Variants in ANO2 observed in about 807,000 individuals in gnomAD.
ANO2 encodes anoctamin-2.
Under a neutral mutation model 124.2 loss-of-function variants are expected in ANO2, and 101 were observed. That is an observed-to-expected ratio of 0.81 (90% CI 0.69 to 0.96). ANO2 has a LOEUF of 0.96. Among genes scored for constraint, ANO2 ranks in the 40% least tolerant of loss-of-function variants. The probability of loss-of-function intolerance (pLI) is 0.00; values close to 1 mark genes in which losing one functional copy is unlikely to be tolerated. For synonymous variants in ANO2, 486 were observed against 482.5 expected (o/e 1.01, Z -0.09); for missense variants, 1,293 against 1,274.5 (o/e 1.01, Z -0.22).
intron 3 of ANO2, among the ~76,000 whole-genome samples, chr12:5,854,947 T>C (rs2137256325): frequency 6.6e-6 from 1 of 151,960 alleles, no homozygotes; most frequent in Non-Finnish European, 1.5e-5. Context: ...TTTTTTTTTT[T>C]TTCAAAACAA....
chr12:5,748,870 CAA>C (rs60191649), intron 11 of ANO2, among the ~76,000 whole-genome samples: 67,597 of 101,668 alleles, frequency 0.66, 21,577 homozygotes, highest in East Asian at 0.75. Context: ...CTTCACCCTC[CAA>C]AAAAAAAAAA....
chr12:5,747,569 C>A (rs1049621097), intron 11 of ANO2, among the ~76,000 whole-genome samples: 46 of 152,236 alleles, frequency 3.0e-4, no homozygotes, highest in African/African-American at 9.4e-4. Context: ...AAAACAACAT[C>A]CAAAACCTCA....
At chr12:5,645,552 T>C (rs1468190331) in intron 15 of ANO2, among the ~76,000 whole-genome samples, 1 of 152,198 alleles carries the variant, frequency 6.6e-6, no homozygotes, top group African/African-American at 2.4e-5. Flanking sequence ...TAGAGGTTTA[T>C]TGGTTAGTTT....
intron 16 of ANO2, among the ~76,000 whole-genome samples, chr12:5,621,225 T>C (rs1375303262): frequency 6.6e-6 from 1 of 152,164 alleles, no homozygotes; most frequent in East Asian, 1.9e-4. Flanking sequence ...GAGAGACATC[T>C]TCCAGGCAGA....
chr12:5,700,276 A>T (rs550897054), intron 14 of ANO2, among the ~76,000 whole-genome samples: 70 of 152,360 alleles, frequency 4.6e-4, no homozygotes, highest in Non-Finnish European at 9.3e-4. Context: ...AGAACTCAGG[A>T]TTAAGAAATT....
intron 7 of ANO2, among the ~76,000 whole-genome samples, chr12:5,809,551 C>T (rs971465726): frequency 1.3e-5 from 2 of 152,186 alleles, no homozygotes; most frequent in African/African-American, 4.8e-5. Flanking sequence ...CTCAGCTGGA[C>T]TTTGCACGGT....
At chr12:5,602,695 A>G (rs1433816147) in intron 19 of ANO2, among the ~76,000 whole-genome samples, 1 of 152,228 alleles carries the variant, frequency 6.6e-6, no homozygotes, top group African/African-American at 2.4e-5. Flanking sequence ...ATGGTGAAAA[A>G]AAAGCCTCCA....
At chr12:5,780,909 C>G (rs1455471731) in intron 10 of ANO2, among the ~76,000 whole-genome samples, 3 of 152,326 alleles carry the variant, frequency 2.0e-5, no homozygotes, top group African/African-American at 7.2e-5. Flanking sequence ...GGATGGCTTA[C>G]AAGGAGAAGC....
intron 14 of ANO2, among the ~76,000 whole-genome samples, chr12:5,677,608 T>C (rs1340727540): frequency 6.6e-6 from 1 of 152,036 alleles, no homozygotes; most frequent in Non-Finnish European, 1.5e-5. Flanking sequence ...GAGAGGAGCA[T>C]GAGAATCCCA....
At chr12:5,924,689 T>C (rs896563241) in intron 1 of ANO2, among the ~76,000 whole-genome samples, 2 of 152,248 alleles carry the variant, frequency 1.3e-5, no homozygotes, top group Admixed American at 1.3e-4. Context: ...GCAGCTACTC[T>C]ATATTCACCT....
intron 7 of ANO2, among the ~76,000 whole-genome samples, chr12:5,821,600 C>T (rs1257910089): frequency 6.6e-6 from 1 of 152,178 alleles, no homozygotes; most frequent in Non-Finnish European, 1.5e-5. Context: ...ACAGCGCAGG[C>T]CTCTAGGATA....
chr12:5,787,589 T>C lies in ANO2; in HGVS notation c.1055+11918A>G, dbSNP rs1952575277. Among the ~76,000 whole-genome samples the C allele has an allele frequency of 1.3e-5, 2 of 152,310 alleles. No homozygotes were observed. The highest frequency in any genetic ancestry group is 1.3e-4 in the Admixed American group (2 of 15,308). ...TGATAGTATCGATCTCGACGGGGTG[T>C]TGTGAGTTAGCAAATGCCAAGGGGT... is the stretch of plus-strand genomic sequence containing the variant. On this transcript the variant is annotated intron_variant, in intron 10 of 24. Coordinates refer to ENST00000682330, the MANE Select transcript of ANO2 (RefSeq NM_001364791.2). The surrounding 1 kb of genome is among the most constrained non-coding windows in gnomAD (Gnocchi z 4.2).
chr12:5,808,938 C>T (rs1243150601), intron 7 of ANO2, among the ~76,000 whole-genome samples: 2 of 152,182 alleles, frequency 1.3e-5, no homozygotes, highest in Admixed American at 6.5e-5. Context: ...CACGTGGGAG[C>T]AGAGGCCCGC....
chr12:5,934,400 T>C (rs1942561186), intron 1 of ANO2, among the ~76,000 whole-genome samples: 3 of 152,234 alleles, frequency 2.0e-5, no homozygotes, highest in Admixed American at 1.3e-4. Context: ...GCATTTATAG[T>C]CAATGATCAG....
At chr12:5,920,484 A>G (rs1272886146) in intron 3 of ANO2, among the ~76,000 whole-genome samples, 11 of 152,240 alleles carry the variant, frequency 7.2e-5, no homozygotes, top group Middle Eastern at 3.4e-3. Flanking sequence ...AGATTGGCAC[A>G]CCACCACCCC....
chr12:5,670,103 A>G (rs1169385523), intron 14 of ANO2, among the ~76,000 whole-genome samples: 1 of 152,162 alleles, frequency 6.6e-6, no homozygotes, highest in Non-Finnish European at 1.5e-5. Context: ...CACGTGTGGG[A>G]TTTGGAAACC....
At chr12:5,785,057 C>T (rs1372745380) in intron 10 of ANO2, among the ~76,000 whole-genome samples, 1 of 152,194 alleles carries the variant, frequency 6.6e-6, no homozygotes, top group Non-Finnish European at 1.5e-5. Flanking sequence ...GCATGGCATT[C>T]CCCAGCTCCA....
chr12:5,676,837 TGA>T, intron 14 of ANO2, among the ~76,000 whole-genome samples: 1 of 152,064 alleles, frequency 6.6e-6, no homozygotes, highest in East Asian at 1.9e-4. Flanking sequence ...GCAGATCACT[TGA>T]GGTCGGGATT....
intron 3 of ANO2, among the ~76,000 whole-genome samples, chr12:5,896,912 C>G (rs1463411657): frequency 1.3e-5 from 2 of 152,098 alleles, no homozygotes; most frequent in African/African-American, 2.4e-5. Flanking sequence ...ATAGTTTAAA[C>G]TTTTGAAGAC....
Sources: gnomAD v4.1 joint callset for allele counts (sites outside exome capture counted in the v4.1 genomes callset) on GRCh38, gnomAD v4.1.1 for gene constraint, Gnocchi (gnomAD v3.1) non-coding constraint, MANE v1.5 for transcripts, NCBI Gene and HGNC (gene_info 2026-07-23, HGNC 2026-07-21) for gene names.